The following KIR3DL1 variants were observed in gnomAD, a reference collection of about 807,000 sequenced individuals.
The protein encoded by KIR3DL1 is killer cell immunoglobulin like receptor, three Ig domains and long cytoplasmic tail 1.
A neutral mutation model predicts 40.3 loss-of-function variants in KIR3DL1; 50 were observed. The observed-to-expected ratio is 1.24, with a 90% confidence interval of 0.99 to 1.57. KIR3DL1 has a LOEUF of 1.57. KIR3DL1 is among the 40% of genes most tolerant of loss of function. KIR3DL1 has a pLI of 0.00. For missense variants in KIR3DL1, 661 were observed against 559.9 expected (o/e 1.18, Z -1.82); for synonymous variants, 257 against 207.2 (o/e 1.24, Z -2.07).
chr19:54,824,743 A>T (rs1438626946), intron 5 of KIR3DL1, among the ~76,000 whole-genome samples: 1 of 149,592 alleles, frequency 6.7e-6, no homozygotes, highest in African/African-American at 2.5e-5. Flanking sequence ...ATTCTGTTTC[A>T]TTTTTTATGT....
exon 5 of KIR3DL1, chr19:54,821,825 G>A: frequency 6.2e-7 from 1 of 1,602,804 alleles, no homozygotes; most frequent in Non-Finnish European, 8.5e-7. Flanking sequence ...CGAGTGGTCA[G>A]ACCCGAGTGA....
chr19:54,816,531 G>A lies in KIR3DL1; in HGVS notation c.31G>A (p.Val11Ile), dbSNP rs755959119. The A allele has an allele frequency of 1.3e-5, 21 of 1,608,558 alleles. 1 individual carries two copies. The Admixed American group carries it at 2.2e-4, about 17-fold the overall frequency. ...GCTCATGGTCGTCAGCATGGCGTGTGTTGGTGAGTCCTGGAAGGGAATCGA... is the reference window on the plus strand; with the variant it reads ...GCTCATGGTCGTCAGCATGGCGTGTATTGGTGAGTCCTGGAAGGGAATCGA... The change falls in exon 1 of 9, where the codon GTT (valine) becomes ATT (isoleucine). Residue 11 changes from valine to isoleucine, a missense_variant. Around this residue, in one of 3 missense-constraint regions of KIR3DL1, gnomAD observed 548 missense variants for 413.3 expected, o/e 1.33. Coordinates refer to ENST00000391728, the Ensembl canonical transcript of KIR3DL1.
intron 5 of KIR3DL1, among the ~76,000 whole-genome samples, chr19:54,822,848 G>T (rs2148128814): frequency 7.2e-6 from 1 of 139,692 alleles, no homozygotes; most frequent in Middle Eastern, 3.5e-3. Flanking sequence ...TCTCCACTGT[G>T]TGTGTGTACC....
At chr19:54,821,472 T>C (rs2061629793) in intron 4 of KIR3DL1, 93 bp from the exon 5 acceptor site, 3 of 1,403,706 alleles carry the variant, frequency 2.1e-6, no homozygotes, top group East Asian at 4.6e-5. Context: ...GAGCATTAGG[T>C]CATAGAGCAG....
exon 9 of KIR3DL1, chr19:54,830,292 T>C: frequency 1.3e-6 from 2 of 1,521,458 alleles, no homozygotes; most frequent in Non-Finnish European, 1.8e-6. Context: ...CAGTCAGGCC[T>C]TGAGGACGTC....
intron 6 of KIR3DL1, among the ~76,000 whole-genome samples, chr19:54,828,435 T>C (rs62124150): frequency 0.18 from 26,820 of 149,680 alleles, 2,259 homozygotes; most frequent in South Asian, 0.3. Context: ...ACACAGAGAA[T>C]ACGTTACATA....
chr19:54,818,868 T>C (rs1193494237), intron 3 of KIR3DL1, among the ~76,000 whole-genome samples: 1 of 150,804 alleles, frequency 6.6e-6, no homozygotes, highest in Middle Eastern at 3.4e-3. Flanking sequence ...TGAGTTGACC[T>C]TGAGATGGGG....
intron 3 of KIR3DL1, among the ~76,000 whole-genome samples, chr19:54,818,986 T>C (rs1021588333): frequency 1.3e-5 from 2 of 150,140 alleles, no homozygotes; most frequent in Non-Finnish European, 3.0e-5. Context: ...AGGGAGACGC[T>C]ATCAGCCACT....
intron 4 of KIR3DL1, 118 bp from the exon 5 acceptor site, chr19:54,821,447 T>A: frequency 1.8e-6 from 2 of 1,120,554 alleles, no homozygotes; most frequent in Non-Finnish European, 2.5e-6. Context: ...GGGTGGAGGG[T>A]GAGAGAGAGA....
intron 5 of KIR3DL1, among the ~76,000 whole-genome samples, chr19:54,822,820 G>C (rs1160953339): frequency 4.2e-5 from 6 of 141,182 alleles, no homozygotes; most frequent in Non-Finnish European, 7.8e-5. Context: ...GGATGTTATT[G>C]TTTCTATGGA....
chr19:54,829,280 C>G, intron 6 of KIR3DL1, 81 bp from the exon 7 acceptor site: 1 of 1,176,614 alleles, frequency 8.5e-7, no homozygotes, highest in African/African-American at 1.5e-5. Context: ...AAGTGGTTAC[C>G]TGTCAATCAA....
intron 6 of KIR3DL1, among the ~76,000 whole-genome samples, chr19:54,828,951 G>A (rs1301905433): frequency 1.4e-5 from 2 of 140,662 alleles, no homozygotes; most frequent in African/African-American, 5.1e-5. Flanking sequence ...GGGGGAGGGG[G>A]AGCAATGGAG....
chr19:54,823,437 T>A (rs909258040), intron 5 of KIR3DL1, among the ~76,000 whole-genome samples: 1 of 150,772 alleles, frequency 6.6e-6, no homozygotes, highest in Admixed American at 6.6e-5. Context: ...TTCTCTACCA[T>A]CTTGCCAGCA....
At chr19:54,817,556 C>T (rs755184281) in exon 2 of KIR3DL1, 18 of 1,512,282 alleles carry the variant, frequency 1.2e-5, no homozygotes, top group Middle Eastern at 1.8e-4. Flanking sequence ...TCCAGAGGGC[C>T]GGTCCACACA....
chr19:54,819,637 A>G, intron 3 of KIR3DL1, 76 bp from the exon 4 acceptor site: 6 of 1,499,920 alleles, frequency 4.0e-6, no homozygotes, highest in Non-Finnish European at 5.4e-6. Context: ...GGGGAGGGGA[A>G]CCCTCACTCA....
Position 54,821,788 on chromosome 19 carries a change from C to A in KIR3DL1, c.879C>A (p.Cys293Ter), listed in dbSNP as rs747304776. Residue 293 changes from cysteine (C) to a stop codon, truncating the protein, a stop_gained, in exon 5 of 9, where the codon TGC becomes TGA. Coordinates refer to ENST00000391728, the Ensembl canonical transcript of KIR3DL1. LOFTEE classifies it high-confidence loss of function. Reference sequence around the variant, plus strand: ...CCACCCACGGAGGGACCTACAGATGCTTCGGCTCTTTCCGTCACTCTCCCT... The same window carrying A: ...CCACCCACGGAGGGACCTACAGATGATTCGGCTCTTTCCGTCACTCTCCCT... The A allele has an allele frequency of 6.2e-7, 1 of 1,607,180 alleles. No homozygotes were observed. The highest frequency in any genetic ancestry group is 8.5e-7 in the Non-Finnish European group (1 of 1,176,296).
At chr19:54,830,226 C>G in exon 9 of KIR3DL1, 1 of 1,521,592 alleles carries the variant, frequency 6.6e-7, no homozygotes, top group Non-Finnish European at 8.9e-7. Context: ...ATCTTGTACA[C>G]GGAACTTCCA....
chr19:54,822,822 T>G (rs1241714591), intron 5 of KIR3DL1, among the ~76,000 whole-genome samples: 1 of 141,394 alleles, frequency 7.1e-6, no homozygotes, highest in Non-Finnish European at 1.6e-5. Context: ...ATGTTATTGT[T>G]TCTATGGATG....
intron 4 of KIR3DL1, among the ~76,000 whole-genome samples, 191 bp downstream of exon 4, chr19:54,820,203 G>A (rs1388815486): frequency 1.3e-5 from 2 of 151,332 alleles, no homozygotes; most frequent in Non-Finnish European, 2.9e-5. Flanking sequence ...TCATAACAGA[G>A]GACAGACACA....
Sources: allele counts gnomAD v4.1 joint callset (sites outside exome capture counted in the v4.1 genomes callset), GRCh38; gene constraint gnomAD v4.1.1; regional missense constraint gnomAD v4.1.1; transcripts MANE v1.5; gene names NCBI Gene and HGNC (gene_info 2026-07-23, HGNC 2026-07-21).